Variants in UBA6 observed in about 807,000 individuals in gnomAD.
UBA6 encodes the protein ubiquitin-like modifier-activating enzyme 6.
UBA6 carries 87 observed loss-of-function variants against 148.3 expected under a neutral mutation model. The ratio of observed to expected loss-of-function variants is 0.59; its 90% CI spans 0.49 to 0.70. The LOEUF (loss-of-function observed/expected upper bound fraction) is 0.70. UBA6 is among the 30% of genes least tolerant of loss of function. The pLI is 0.00. For missense variants in UBA6, 1,186 were observed against 1,241.2 expected (o/e 0.96, Z 0.67); for synonymous variants, 376 against 401.0 (o/e 0.94, Z 0.75).
At chr4:67,635,789 T>G (rs2109906535) in intron 19 of UBA6, among the ~76,000 whole-genome samples, 1 of 106,714 alleles carries the variant, frequency 9.4e-6, no homozygotes, top group East Asian at 2.6e-4. Context: ...TTAACCTTTA[T>G]CTCTAGGTTA....
chr4:67,699,017 GA>G (rs1288766091), intron 1 of UBA6, among the ~76,000 whole-genome samples: 2 of 151,928 alleles, frequency 1.3e-5, no homozygotes. Flanking sequence ...AATTTTAAAG[GA>G]AAAAAACTAA....
chr4:67,618,940 T>A lies in UBA6; in HGVS notation c.*57A>T. 2 of 1,551,678 alleles carry A rather than the reference T, an allele frequency of 1.3e-6. No homozygotes were observed. The highest frequency in any genetic ancestry group is 1.8e-6 in the Non-Finnish European group (2 of 1,140,812). On this transcript the variant is annotated 3_prime_UTR_variant, in exon 33 of 33. Transcript: ENST00000322244. The stretch of plus-strand genomic sequence containing the variant: ...GAACTGATTTTCTTTAGCTTCTGAA[T>A]TAAGTGCACTCTTTCCAAAATCAAG...
At chr4:67,633,204 T>C (rs1336802620) in intron 23 of UBA6, 141 bp downstream of exon 23, 2 of 629,230 alleles carry the variant, frequency 3.2e-6, no homozygotes, top group Non-Finnish European at 5.0e-6. Flanking sequence ...GATTAGCATG[T>C]GTTCTCATTT....
chr4:67,653,281 G>C (rs1447336964), intron 13 of UBA6, among the ~76,000 whole-genome samples: 1 of 152,126 alleles, frequency 6.6e-6, no homozygotes, highest in Non-Finnish European at 1.5e-5. Flanking sequence ...AGTAGGGGCC[G>C]ACAGACACCT....
intron 17 of UBA6, among the ~76,000 whole-genome samples, chr4:67,643,573 G>A (rs1729355905): frequency 6.6e-6 from 1 of 151,942 alleles, no homozygotes; most frequent in African/African-American, 2.4e-5. Flanking sequence ...TTTACTTAAA[G>A]TTTTGGACAA....
intron 12 of UBA6, 37 bp downstream of exon 12, chr4:67,663,102 A>G: frequency 6.6e-7 from 1 of 1,508,240 alleles, no homozygotes; most frequent in Non-Finnish European, 9.1e-7. Flanking sequence ...TACTTTTATA[A>G]AAAGGAAAAT....
Position 67,618,112 on chromosome 4 carries a change from A to T in UBA6, c.*885T>A, listed in dbSNP as rs1367211197. 1.3e-5 allele frequency: 2 copies of T among 151,486 alleles called. No homozygotes were observed. The highest frequency in any genetic ancestry group is 1.5e-5 in the Non-Finnish European group (1 of 67,808). The allele number at this position is 151,486 out of a possible 1,614,324, so 9.4% of individuals were successfully genotyped here. A position where few individuals can be genotyped will look rare whatever the true frequency, so the allele number is the denominator to read the frequency against. On this transcript the variant is annotated 3_prime_UTR_variant, in exon 33 of 33. Coordinates refer to ENST00000322244, the MANE Select transcript of UBA6 (RefSeq NM_018227.6). ...AAAAAAAAAGACTACCCTAGCAATAATTTTTAACATTCTACATTTCATCTA... is the reference window on the plus strand; with the variant it reads ...AAAAAAAAAGACTACCCTAGCAATATTTTTTAACATTCTACATTTCATCTA...
At position 67,618,134 on chromosome 4, in the gene UBA6, T is replaced by C. The variant is rs961965687; in HGVS notation, c.*863A>G. On this transcript the variant is annotated 3_prime_UTR_variant, in exon 33 of 33. Transcript: ENST00000322244. ...ATAATTTTTAACATTCTACATTTCA[T>C]CTATTTCTAAAGACACTCCCTTTAC... The C allele has an allele frequency of 2.4e-4, 36 of 151,830 alleles. No homozygotes were observed. The highest frequency in any genetic ancestry group is 8.7e-4 in the African/African-American group (36 of 41,328). The allele number at this position is 151,830 out of a possible 1,614,324, so 9.4% of individuals were successfully genotyped here. A position where few individuals can be genotyped will look rare whatever the true frequency, so the allele number is the denominator to read the frequency against.
chr4:67,683,890 C>T (rs1461658640), intron 2 of UBA6, among the ~76,000 whole-genome samples: 10 of 151,996 alleles, frequency 6.6e-5, no homozygotes, highest in Non-Finnish European at 1.0e-4. Flanking sequence ...CTGGGCAACA[C>T]AGCAAAACCC....
At chr4:67,690,369 G>A (rs767615094) in intron 2 of UBA6, among the ~76,000 whole-genome samples, 33 of 152,040 alleles carry the variant, frequency 2.2e-4, no homozygotes, top group Non-Finnish European at 3.7e-4. Context: ...AAACAGGAAA[G>A]AGGCCTCATA....
At chr4:67,674,609 C>T (rs1042893333) in intron 6 of UBA6, among the ~76,000 whole-genome samples, 3 of 151,918 alleles carry the variant, frequency 2.0e-5, no homozygotes, top group African/African-American at 7.3e-5. Context: ...AGTCTCTGAC[C>T]CAGGAATCTC....
chr4:67,664,846 A>G (rs925659264), intron 10 of UBA6, among the ~76,000 whole-genome samples: 2 of 152,068 alleles, frequency 1.3e-5, no homozygotes, highest in African/African-American at 4.8e-5. Context: ...AAAATACATT[A>G]GTTTTATTTC....
chr4:67,631,958 G>T, intron 23 of UBA6, 50 bp from the exon 24 acceptor site: 1 of 1,514,018 alleles, frequency 6.6e-7, no homozygotes, highest in South Asian at 1.3e-5. Context: ...TATTATCTGA[G>T]GAAAAATTAA....
rs1479224591 is a variant in UBA6 at position 67,613,335 on chromosome 4, A to T, written c.*5662T>A. On this transcript the variant is annotated 3_prime_UTR_variant, in exon 33 of 33. Coordinates refer to ENST00000322244, the MANE Select transcript of UBA6 (RefSeq NM_018227.6). Reference sequence around the variant, plus strand: ...GCACACAAGGAGACAAGACAGTAAGAATGAAGACTAGAACAAACAAAATAA... The same window carrying T: ...GCACACAAGGAGACAAGACAGTAAGTATGAAGACTAGAACAAACAAAATAA... 6.6e-6 allele frequency: 1 copy of T among 152,246 alleles called. No individual in the cohort carries two copies. Among genetic ancestry groups the T allele is most frequent in the Non-Finnish European group, 1.5e-5 (1 of 68,044 alleles). The allele number at this position is 152,246 out of a possible 1,614,324, so 9.4% of individuals were successfully genotyped here.
At chr4:67,662,701 G>A (rs781398277) in intron 12 of UBA6, 1 of 169,320 alleles carries the variant, frequency 5.9e-6, no homozygotes, top group Non-Finnish European at 1.3e-5. Flanking sequence ...GGCCTCAAGT[G>A]ATCCACCTGC....
intron 32 of UBA6, among the ~76,000 whole-genome samples, chr4:67,621,653 A>G (rs1728754351): frequency 1.3e-5 from 2 of 152,086 alleles, no homozygotes; most frequent in African/African-American, 4.8e-5. Context: ...AAATACAAAA[A>G]TTAGCCAGGT....
Position 67,636,558 on chromosome 4 carries a change from G to T in UBA6, c.1737-1000C>A, listed in dbSNP as rs185652889. 3.5e-3 allele frequency among the ~76,000 whole-genome samples: 527 copies of T among 152,212 alleles called. 3 individuals are homozygous for T. Among genetic ancestry groups the T allele is most frequent in the African/African-American group, 0.012 (506 of 41,478 alleles). ...AGGCGCGCACCGCCACGCCTGACTG[G>T]TTTTCATATTTTTTTGGTGGAGACG... On this transcript the variant is annotated intron_variant, in intron 19 of 32. Coordinates refer to ENST00000322244, the MANE Select transcript of UBA6 (RefSeq NM_018227.6).
Position 67,614,430 on chromosome 4 carries a change from C to T in UBA6, c.*4567G>A, listed in dbSNP as rs1728588865. ...CTGAAAATATTTACAGAGTTTGACT[C>T]TTTTCATCAACAGATGTTGATGAAA... On this transcript the variant is annotated 3_prime_UTR_variant, in exon 33 of 33. Transcript: ENST00000322244. 1 of 152,134 alleles carries T rather than the reference C, an allele frequency of 6.6e-6. No individual in the cohort carries two copies. The highest frequency in any genetic ancestry group is 2.1e-4 in the South Asian group (1 of 4,834). 9.4% of individuals were successfully genotyped at this position (152,134 alleles called of 1,614,324 possible). A position where few individuals can be genotyped will look rare whatever the true frequency, so the allele number is the denominator to read the frequency against.
At chr4:67,638,849 A>C in intron 19 of UBA6, 94 bp downstream of exon 19, 6 of 891,774 alleles carry the variant, frequency 6.7e-6, no homozygotes, top group Non-Finnish European at 1.0e-5. Flanking sequence ...ATAAGGAATA[A>C]TCAGATAATT....
Sources: allele counts gnomAD v4.1 joint callset (sites outside exome capture counted in the v4.1 genomes callset), GRCh38; gene constraint gnomAD v4.1.1; transcripts MANE v1.5; gene names NCBI Gene and HGNC (gene_info 2026-07-23, HGNC 2026-07-21).